HERC4: variants seen among roughly 807,000 people sequenced by gnomAD.
The protein encoded by HERC4 is HECT and RLD domain containing E3 ubiquitin protein ligase 4.
A neutral mutation model predicts 124.3 loss-of-function variants in HERC4; 28 were observed. The ratio of observed to expected loss-of-function variants is 0.23; its 90% CI spans 0.17 to 0.31. The LOEUF (loss-of-function observed/expected upper bound fraction) is 0.31. Among genes scored for constraint, HERC4 ranks in the 10% least tolerant of loss-of-function variants. The pLI, the probability that HERC4 is intolerant of heterozygous loss-of-function variation, is 1.00. For missense variants in HERC4, 713 were observed against 1,229.3 expected, an observed-to-expected ratio of 0.58 and a Z score of 6.28; for synonymous variants, 407 against 421.5, an observed-to-expected ratio of 0.97 and a Z score of 0.42.
chr10:67,944,293 T>C (rs941759163), intron 19 of HERC4, among the ~76,000 whole-genome samples: 6 of 151,808 alleles, frequency 4.0e-5, no homozygotes, highest in Non-Finnish European at 5.9e-5. Flanking sequence ...AGAATAAGAG[T>C]CTCTGCCTGA....
rs1393515530 is a variant in HERC4, at chr10:68,059,657, C to A, written c.226+13226G>T. 3.0e-4 allele frequency among the ~76,000 whole-genome samples: 11 copies of A among 36,870 alleles called. 1 individual carries two copies. The highest frequency in any genetic ancestry group is 2.0e-3 in the African/African-American group (8 of 4,092). The allele number at this position is 36,870 out of a possible 152,430, so 24.2% of individuals were successfully genotyped here. On this transcript the variant is annotated intron_variant, in intron 3 of 24. Coordinates refer to ENST00000373700, the MANE Select transcript of HERC4 (RefSeq NM_015601.4). ...TAATATTATATATTATATTATATAT[C>A]ATATTATATATTATATTATATATCA...
intron 3 of HERC4, among the ~76,000 whole-genome samples, chr10:68,058,722 C>CATGATTAT (rs1200474417): frequency 6.6e-6 from 1 of 151,644 alleles, no homozygotes; most frequent in Non-Finnish European, 1.5e-5. Context: ...AGGAGTTTGG[C>CATGATTAT]ATGATTATCC....
At chr10:67,945,102 G>A (rs1193002113) in intron 19 of HERC4, among the ~76,000 whole-genome samples, 2 of 152,064 alleles carry the variant, frequency 1.3e-5, no homozygotes, top group East Asian at 3.8e-4. Flanking sequence ...AGTACAAGAA[G>A]GTTACAGAAT....
intron 4 of HERC4, 149 bp downstream of exon 4, chr10:68,044,255 A>G: frequency 3.2e-6 from 2 of 617,616 alleles, no homozygotes; most frequent in Admixed American, 7.1e-5. Context: ...TCAACATCAT[A>G]AGCAAGAACC....
chr10:68,059,877 ATAT>A (rs1193364385), intron 3 of HERC4, among the ~76,000 whole-genome samples: 4 of 75,418 alleles, frequency 5.3e-5, no homozygotes, highest in Non-Finnish European at 7.9e-5. Context: ...TATTATAATA[ATAT>A]TATATATCAT....
At position 68,061,481 on chromosome 10, in the gene HERC4, C is replaced by T. The variant is rs573423848; in HGVS notation, c.226+11402G>A. On this transcript the variant is annotated intron_variant, in intron 3 of 24. Coordinates refer to ENST00000373700, the MANE Select transcript of HERC4 (RefSeq NM_015601.4). ...CCAGGAAGTGGAGCTTGCAGTGAGCCGCAATCGCGCCACTGCACTCCAGCC... is the reference window on the plus strand; with the variant it reads ...CCAGGAAGTGGAGCTTGCAGTGAGCTGCAATCGCGCCACTGCACTCCAGCC... Among the ~76,000 whole-genome samples, 463 of 142,114 alleles carry T rather than the reference C, an allele frequency of 3.3e-3. 1 individual carries two copies. The highest frequency in any genetic ancestry group is 0.012 in the African/African-American group (441 of 38,318). 93.2% of individuals were successfully genotyped at this position (142,114 alleles called of 152,430 possible). A position where few individuals can be genotyped will look rare whatever the true frequency, so the allele number is the denominator to read the frequency against.
At chr10:67,951,664 A>G (rs1358414025) in intron 19 of HERC4, among the ~76,000 whole-genome samples, 1 of 152,090 alleles carries the variant, frequency 6.6e-6, no homozygotes, top group African/African-American at 2.4e-5. Flanking sequence ...CCTTCATATG[A>G]TTGCGTCTAG....
rs981807915 is a variant in HERC4 at position 67,951,988 on chromosome 10, C to T, written c.2337+2607G>A. Among the ~76,000 whole-genome samples, 18 of 152,136 alleles carry T rather than the reference C, an allele frequency of 1.2e-4. 1 individual carries two copies. Among genetic ancestry groups the T allele is most frequent in the Admixed American group, 2.0e-4 (3 of 15,268 alleles). On this transcript the variant is annotated intron_variant, in intron 19 of 24. Coordinates refer to ENST00000373700, the MANE Select transcript of HERC4 (RefSeq NM_015601.4). The stretch of plus-strand genomic sequence containing the variant: ...GTCTGTTTCCAACAATCTTGTTCTC[C>T]ACCACACCTCAATGCCCATACCCAT...
At chr10:68,036,904 A>G (rs1476604333) in intron 5 of HERC4, among the ~76,000 whole-genome samples, 1 of 151,888 alleles carries the variant, frequency 6.6e-6, no homozygotes, top group African/African-American at 2.4e-5. Context: ...AATAGTACAT[A>G]TTTTTTTCTG....
At position 67,923,291 on chromosome 10, in the gene HERC4, GA is replaced by G. The variant is rs2030438508; in HGVS notation, c.2942-153del. 12 of 564,788 alleles carry G rather than the reference GA, an allele frequency of 2.1e-5. No individual in the cohort carries two copies. In the East Asian group the frequency reaches 3.1e-4, roughly 14 times the overall value. The allele number at this position is 564,788 out of a possible 1,614,324, so 35.0% of individuals were successfully genotyped here. A position where few individuals can be genotyped will look rare whatever the true frequency, so the allele number is the denominator to read the frequency against. ...CTAATTTGTGGAAGACAAGTTTTTT[GA>G]GACACATTCTAATTGCTCATCCACA... On this transcript the variant is annotated intron_variant, in intron 24 of 24. Transcript: ENST00000373700.
At chr10:67,973,971 C>T (rs1347739816) in intron 15 of HERC4, among the ~76,000 whole-genome samples, 2 of 148,782 alleles carry the variant, frequency 1.3e-5, no homozygotes, top group East Asian at 2.1e-4. Context: ...CACTTGAACC[C>T]GGGAGGCAGA....
intron 3 of HERC4, among the ~76,000 whole-genome samples, chr10:68,053,981 C>G (rs1179652071): frequency 6.6e-6 from 1 of 152,132 alleles, no homozygotes; most frequent in African/African-American, 2.4e-5. Context: ...TTAAAGAGAT[C>G]ATTTCAACTC....
In HERC4 at chr10:67,927,419, TATATATATA is replaced by T. The variant is rs1471954916; in HGVS notation, c.2839-2241_2839-2233del. 6.3e-3 allele frequency among the ~76,000 whole-genome samples: 77 copies of T among 12,282 alleles called. 5 individuals carry two copies. Among genetic ancestry groups the T allele is most frequent in the Middle Eastern group, 0.029 (1 of 34 alleles). The allele number at this position is 12,282 out of a possible 152,430, so 8.1% of individuals were successfully genotyped here. A position where few individuals can be genotyped will look rare whatever the true frequency, so the allele number is the denominator to read the frequency against. ...ATATATATATATATATATATATATA[TATATATATA>T]TATTTTTTTTTTTTTTTAGATAGAG... On this transcript the variant is annotated intron_variant, in intron 23 of 24. Transcript: ENST00000373700.
chr10:67,934,964 AG>A (rs2032203707), intron 22 of HERC4, among the ~76,000 whole-genome samples: 1 of 137,236 alleles, frequency 7.3e-6, no homozygotes, highest in African/African-American at 2.9e-5. Flanking sequence ...CTTTCAAATG[AG>A]TTTTTTTTTT....
intron 3 of HERC4, among the ~76,000 whole-genome samples, chr10:68,052,099 G>A (rs1336322444): frequency 6.6e-6 from 1 of 151,914 alleles, no homozygotes; most frequent in Admixed American, 6.6e-5. Context: ...AATTTTTGGA[G>A]GCACAAAAAG....
chr10:68,044,612 G>C, intron 3 of HERC4, 49 bp from the exon 4 acceptor site: 4 of 1,535,532 alleles, frequency 2.6e-6, no homozygotes, highest in Non-Finnish European at 3.6e-6. Flanking sequence ...AGAAATCAAG[G>C]AAAAAGATAT....
intron 3 of HERC4, among the ~76,000 whole-genome samples, chr10:68,064,613 A>G (rs1186737365): frequency 6.6e-6 from 1 of 151,900 alleles, no homozygotes; most frequent in African/African-American, 2.4e-5. Context: ...AAAAAAAGAC[A>G]TAAAAACTAA....
intron 9 of HERC4, among the ~76,000 whole-genome samples, chr10:68,005,809 C>T (rs1183267730): frequency 6.6e-6 from 1 of 152,056 alleles, no homozygotes; most frequent in Non-Finnish European, 1.5e-5. Flanking sequence ...TCAAACAATC[C>T]TCCTACCTCA....
intron 3 of HERC4, among the ~76,000 whole-genome samples, chr10:68,064,375 GA>G (rs2041190874): frequency 6.6e-6 from 1 of 151,946 alleles, no homozygotes; most frequent in East Asian, 1.9e-4. Flanking sequence ...CCATCATGGT[GA>G]AACCCCATCT....
Sources: allele counts gnomAD v4.1 joint callset (sites outside exome capture counted in the v4.1 genomes callset), GRCh38; gene constraint gnomAD v4.1.1; transcripts MANE v1.5; gene names NCBI Gene and HGNC (gene_info 2026-07-23, HGNC 2026-07-21).